Variants in ASCC3 observed in about 807,000 individuals in gnomAD.
The protein encoded by ASCC3 is activating signal cointegrator 1 complex subunit 3.
Under a neutral mutation model 256.3 loss-of-function variants are expected in ASCC3, and 158 were observed. The ratio of observed to expected loss-of-function variants is 0.62; its 90% CI spans 0.54 to 0.70. ASCC3 has a LOEUF of 0.70. Among genes scored for constraint, ASCC3 ranks in the 30% least tolerant of loss-of-function variants. The pLI, the probability that ASCC3 is intolerant of heterozygous loss-of-function variation, is 0.00. For missense variants in ASCC3, 2,259 were observed against 2,626.0 expected, an observed-to-expected ratio of 0.86 and a Z score of 3.05; for synonymous variants, 948 against 883.4, an observed-to-expected ratio of 1.07 and a Z score of -1.30.
rs903951629 is a variant in ASCC3, at chr6:100,664,734, T to C, written c.2287-2198A>G. The stretch of plus-strand genomic sequence containing the variant: ...AATCTTAAAGCAGCTCTTATGAATA[T>C]GGAAAAAAGTCCAATTGTGGTGTAT... On this transcript the variant is annotated intron_variant, in intron 14 of 41. Transcript: ENST00000369162. 3.9e-5 allele frequency among the ~76,000 whole-genome samples: 6 copies of C among 152,146 alleles called. No individual in the cohort carries two copies. In the East Asian group the frequency reaches 5.8e-4, roughly 15 times the overall value.
At chr6:100,807,751 TTCATA>T (rs781145419) in intron 4 of ASCC3, among the ~76,000 whole-genome samples, 201 of 152,060 alleles carry the variant, frequency 1.3e-3, no homozygotes, top group Middle Eastern at 0.01. Flanking sequence ...TTTTGTAAAT[TTCATA>T]TCATGAGTAT....
intron 4 of ASCC3, among the ~76,000 whole-genome samples, chr6:100,847,217 G>GA (rs1023437106): frequency 6.6e-6 from 1 of 151,984 alleles, no homozygotes; most frequent in African/African-American, 2.4e-5. Flanking sequence ...ATCATAATTG[G>GA]ATAACTACTA....
At position 100,516,860 on chromosome 6, in the gene ASCC3, T is replaced by C. The variant is rs1774052500; in HGVS notation, c.5928-533A>G. 2.0e-5 allele frequency among the ~76,000 whole-genome samples: 3 copies of C among 151,994 alleles called. No individual in the cohort carries two copies. The South Asian group carries it at 6.2e-4, about 32-fold the overall frequency. ...AATTGAAATTACATTAATACAGCAC[T>C]CTTAAGAGTGCTGTGAAAACTGTAT... On this transcript the variant is annotated intron_variant, in intron 38 of 41. Transcript: ENST00000369162.
Position 100,606,938 on chromosome 6 carries a change from GAA to G in ASCC3, c.4923+11_4923+12del, listed in dbSNP as rs759567860. 2 of 1,612,606 alleles carry G rather than the reference GAA, an allele frequency of 1.2e-6. No homozygotes were observed. Among genetic ancestry groups the G allele is most frequent in the Admixed American group, 3.3e-5 (2 of 59,896 alleles). Reference sequence around the variant, plus strand: ...TACATTTAAATATGTGTTCACTGGAGAAAAAAAAGTACCTGAACTTTACAGTT... The same window carrying G: ...TACATTTAAATATGTGTTCACTGGAGAAAAAAGTACCTGAACTTTACAGTT... On this transcript the variant is annotated intron_variant, in intron 31 of 41. Coordinates refer to ENST00000369162, the MANE Select transcript of ASCC3 (RefSeq NM_006828.4).
At chr6:100,558,222 TTGA>T (rs1225988760) in intron 36 of ASCC3, among the ~76,000 whole-genome samples, 1 of 151,910 alleles carries the variant, frequency 6.6e-6, no homozygotes, top group Non-Finnish European at 1.5e-5. Flanking sequence ...AATGAGAAAA[TTGA>T]TGATGTCCTG....
At chr6:100,860,772 A>G (rs550956962) in intron 3 of ASCC3, among the ~76,000 whole-genome samples, 12 of 152,220 alleles carry the variant, frequency 7.9e-5, no homozygotes, top group Admixed American at 4.6e-4. Flanking sequence ...TTAACACATA[A>G]AAGAGAGAGG....
intron 36 of ASCC3, among the ~76,000 whole-genome samples, chr6:100,550,732 G>A (rs1366489969): frequency 6.6e-6 from 1 of 151,892 alleles, no homozygotes; most frequent in Non-Finnish European, 1.5e-5. Flanking sequence ...CATGTAAGAT[G>A]TGACTCTACT....
intron 10 of ASCC3, among the ~76,000 whole-genome samples, chr6:100,729,396 A>T (rs1418932872): frequency 6.6e-6 from 1 of 152,222 alleles, no homozygotes; most frequent in East Asian, 1.9e-4. Flanking sequence ...CTGACAAAGC[A>T]AATGTGTATT....
intron 36 of ASCC3, among the ~76,000 whole-genome samples, chr6:100,548,455 T>C (rs571791199): frequency 1.3e-5 from 2 of 152,058 alleles, no homozygotes; most frequent in East Asian, 3.9e-4. Flanking sequence ...TAGACTATAT[T>C]AATAGGAAAC....
intron 39 of ASCC3, 95 bp downstream of exon 39, chr6:100,516,085 A>G (rs1774012122): frequency 5.5e-6 from 8 of 1,455,816 alleles, no homozygotes. Context: ...ACTCAAGGTG[A>G]GCCTGGTTCC....
chr6:100,771,836 G>A (rs891476536), intron 8 of ASCC3, among the ~76,000 whole-genome samples: 1 of 145,496 alleles, frequency 6.9e-6, no homozygotes, highest in African/African-American at 2.6e-5. Flanking sequence ...TAAACTACAT[G>A]TACAATCACT....
At chr6:100,844,708 A>G (rs1478429946) in intron 4 of ASCC3, among the ~76,000 whole-genome samples, 4 of 152,132 alleles carry the variant, frequency 2.6e-5, no homozygotes, top group Non-Finnish European at 4.4e-5. Flanking sequence ...AAAATTACAG[A>G]AGCCAAAAGA....
intron 8 of ASCC3, among the ~76,000 whole-genome samples, chr6:100,774,391 A>G (rs1782085110): frequency 6.6e-6 from 1 of 150,748 alleles, no homozygotes; most frequent in South Asian, 2.1e-4. Flanking sequence ...TCGGAGATGC[A>G]CTCTCACTCT....
intron 36 of ASCC3, among the ~76,000 whole-genome samples, chr6:100,584,862 T>C (rs1466743705): frequency 6.6e-6 from 1 of 152,206 alleles, no homozygotes; most frequent in Non-Finnish European, 1.5e-5. Flanking sequence ...TGGCTGGATA[T>C]GAAATTCTGG....
intron 10 of ASCC3, among the ~76,000 whole-genome samples, chr6:100,754,393 T>C (rs1781079526): frequency 6.6e-6 from 1 of 152,162 alleles, no homozygotes. Context: ...TGAGATGTTT[T>C]GATACAGGCA....
intron 14 of ASCC3, among the ~76,000 whole-genome samples, chr6:100,674,280 A>G (rs1351749657): frequency 1.3e-5 from 2 of 151,984 alleles, no homozygotes; most frequent in Non-Finnish European, 2.9e-5. Flanking sequence ...TAATTTTTTA[A>G]GAAATTTTTT....
rs1194601806 is a variant in ASCC3 at position 100,864,124 on chromosome 6, T to C, written c.181A>G (p.Ser61Gly). Reference protein sequence around the residue: ...IKFLNEKLEKSKMQSINEDLK... With the variant: ...IKFLNEKLEKGKMQSINEDLK... ...TCTTCATTTATACTTTGCATTTTAC[T>C]CTTCTCCAGTTTTTCATTCAAAAAT... Residue 61 changes from serine to glycine, a missense_variant, in exon 3 of 42, where the codon AGT (serine) becomes GGT (glycine). Ser to Gly is a moderately conservative substitution (Grantham distance 56). Around this residue, in one of 2 missense-constraint regions of ASCC3, gnomAD observed 420 missense variants for 419.3 expected, o/e 1.00. Transcript: ENST00000369162. The C allele has an allele frequency of 6.2e-7, 1 of 1,604,646 alleles. No individual in the cohort carries two copies. The highest frequency in any genetic ancestry group is 2.2e-5 in the East Asian group (1 of 44,742).
chr6:100,868,579 C>T (rs1773589774), intron 1 of ASCC3, among the ~76,000 whole-genome samples: 1 of 152,216 alleles, frequency 6.6e-6, no homozygotes, highest in African/African-American at 2.4e-5. Context: ...CTTTTTATAG[C>T]ACTAAGTAAT....
intron 36 of ASCC3, among the ~76,000 whole-genome samples, chr6:100,580,956 C>T (rs1433473151): frequency 6.6e-6 from 1 of 152,024 alleles, no homozygotes; most frequent in Non-Finnish European, 1.5e-5. Context: ...GTATATGTGC[C>T]ACATTTTCTT....
Sources: allele counts gnomAD v4.1 joint callset (sites outside exome capture counted in the v4.1 genomes callset), GRCh38; gene constraint gnomAD v4.1.1; regional missense constraint gnomAD v4.1.1; transcripts MANE v1.5; gene names NCBI Gene and HGNC (gene_info 2026-07-23, HGNC 2026-07-21).